Variants in GRM3 observed in about 807,000 individuals in gnomAD.
GRM3 encodes metabotropic glutamate receptor 3.
In GRM3, 26 loss-of-function variants were observed where a neutral mutation model predicts 70.5. The ratio of observed to expected loss-of-function variants is 0.37; its 90% CI spans 0.27 to 0.51. GRM3 has a LOEUF of 0.51. Ranked by LOEUF, GRM3 falls within the 20% of genes least tolerant of loss-of-function variation. The pLI is 0.93. For missense variants in GRM3, 859 were observed against 1,123.8 expected, an observed-to-expected ratio of 0.76 and a Z score of 3.37; for synonymous variants, 443 against 434.9, an observed-to-expected ratio of 1.02 and a Z score of -0.23.
intron 1 of GRM3, among the ~76,000 whole-genome samples, chr7:86,675,295 C>T (rs1794278109): frequency 6.6e-6 from 1 of 152,108 alleles, no homozygotes; most frequent in Non-Finnish European, 1.5e-5. Context: ...AGACCCAGGA[C>T]ATCCCCCATA....
intron 1 of GRM3, among the ~76,000 whole-genome samples, chr7:86,763,530 C>G (rs1327068450): frequency 6.6e-6 from 1 of 152,124 alleles, no homozygotes; most frequent in African/African-American, 2.4e-5. Context: ...TTGGAAAGCT[C>G]TCTAGAAAGA....
At chr7:86,749,498 T>A (rs752741348) in intron 1 of GRM3, among the ~76,000 whole-genome samples, 1 of 151,964 alleles carries the variant, frequency 6.6e-6, no homozygotes, top group Non-Finnish European at 1.5e-5. Context: ...AAAAGAAACA[T>A]CTGGACAGTG....
chr7:86,721,061 A>G (rs1354290801), intron 1 of GRM3, among the ~76,000 whole-genome samples: 2 of 152,046 alleles, frequency 1.3e-5, no homozygotes, highest in African/African-American at 4.8e-5. Flanking sequence ...AGGGAAGCTA[A>G]TACTACCATA....
chr7:86,676,530 A>G, intron 1 of GRM3, among the ~76,000 whole-genome samples: 1 of 152,176 alleles, frequency 6.6e-6, no homozygotes. Flanking sequence ...GGCAGATATA[A>G]TCTCATAAGT....
intron 1 of GRM3, among the ~76,000 whole-genome samples, chr7:86,754,724 T>C (rs1002972084): frequency 9.2e-5 from 14 of 152,248 alleles, no homozygotes; most frequent in East Asian, 3.9e-4. Flanking sequence ...GGGAATCTTT[T>C]TGGGCAAGTT....
chr7:86,663,713 T>A (rs1793955374), intron 1 of GRM3, among the ~76,000 whole-genome samples: 1 of 151,990 alleles, frequency 6.6e-6, no homozygotes, highest in Non-Finnish European at 1.5e-5. Context: ...GATTTTAGGC[T>A]CAGAGCAATG....
chr7:86,765,701 C>T, intron 2 of GRM3, 88 bp downstream of exon 2: 1 of 1,023,772 alleles, frequency 9.8e-7, no homozygotes, highest in Non-Finnish European at 1.4e-6. Context: ...ATAATAACGT[C>T]ATCAACGGAT....
chr7:86,753,505 G>T (rs1796277702), intron 1 of GRM3, among the ~76,000 whole-genome samples: 1 of 151,994 alleles, frequency 6.6e-6, no homozygotes, highest in Non-Finnish European at 1.5e-5. Context: ...ATATACACAT[G>T]CATACACACC....
At chr7:86,669,628 G>C (rs1279305059) in intron 1 of GRM3, among the ~76,000 whole-genome samples, 2 of 152,120 alleles carry the variant, frequency 1.3e-5, no homozygotes, top group African/African-American at 4.8e-5. Flanking sequence ...TAGTAACGTT[G>C]AATGTGGAAA....
At chr7:86,743,046 A>G (rs1163011207) in intron 1 of GRM3, among the ~76,000 whole-genome samples, 1 of 152,168 alleles carries the variant, frequency 6.6e-6, no homozygotes, top group Non-Finnish European at 1.5e-5. Flanking sequence ...CATCTGATTC[A>G]TAAAGCTATT....
At chr7:86,691,754 C>A (rs2888550) in intron 1 of GRM3, among the ~76,000 whole-genome samples, 51,448 of 152,052 alleles carry the variant, frequency 0.34, 9,187 homozygotes, top group African/African-American at 0.45. Flanking sequence ...CTTGCCCTCT[C>A]TTTGCCCTTC....
intron 1 of GRM3, among the ~76,000 whole-genome samples, chr7:86,682,112 A>G (rs1422516403): frequency 6.6e-6 from 1 of 152,220 alleles, no homozygotes; most frequent in African/African-American, 2.4e-5. Context: ...TTTGCAAAGC[A>G]GAGAGAAAAT....
intron 1 of GRM3, among the ~76,000 whole-genome samples, chr7:86,680,004 AAT>A (rs1157195763): frequency 1.3e-5 from 2 of 152,138 alleles, no homozygotes; most frequent in Non-Finnish European, 2.9e-5. Context: ...AATAAATCAA[AAT>A]ATAGACTTGT....
intron 3 of GRM3, among the ~76,000 whole-genome samples, chr7:86,808,158 T>C (rs1251147651): frequency 2.6e-5 from 4 of 152,212 alleles, no homozygotes; most frequent in African/African-American, 9.6e-5. Context: ...AGTATTTTAT[T>C]GAGGATTTTC....
At chr7:86,695,100 A>G (rs1328656121) in intron 1 of GRM3, among the ~76,000 whole-genome samples, 1 of 152,182 alleles carries the variant, frequency 6.6e-6, no homozygotes, top group Admixed American at 6.5e-5. Flanking sequence ...GAGTCCATAA[A>G]TGTACTTCAA....
intron 1 of GRM3, among the ~76,000 whole-genome samples, chr7:86,716,361 C>A (rs112131159): frequency 1.3e-5 from 2 of 151,932 alleles, no homozygotes; most frequent in African/African-American, 2.4e-5. Context: ...ACTTAGTATA[C>A]GTATTATTCC....
intron 1 of GRM3, among the ~76,000 whole-genome samples, chr7:86,733,982 G>A (rs931255775): frequency 2.0e-5 from 3 of 152,220 alleles, no homozygotes; most frequent in Admixed American, 2.0e-4. Context: ...GAGTCATGCT[G>A]AACCAGATGT....
At chr7:86,815,922 G>C (rs1798005761) in intron 3 of GRM3, among the ~76,000 whole-genome samples, 1 of 151,926 alleles carries the variant, frequency 6.6e-6, no homozygotes, top group Non-Finnish European at 1.5e-5. Flanking sequence ...AAAGATTCCA[G>C]ACTGGGGCAG....
chr7:86,750,053 T>C (rs1347648556), intron 1 of GRM3, among the ~76,000 whole-genome samples: 1 of 152,046 alleles, frequency 6.6e-6, no homozygotes, highest in African/African-American at 2.4e-5. Context: ...CAAAAAAAAT[T>C]GGTTACTTTT....
Sources: gnomAD v4.1 joint callset for allele counts (sites outside exome capture counted in the v4.1 genomes callset) on GRCh38, gnomAD v4.1.1 for gene constraint, MANE v1.5 for transcripts, NCBI Gene and HGNC (gene_info 2026-07-23, HGNC 2026-07-21) for gene names.